Variants in CTC1 observed in about 807,000 individuals in gnomAD.
The protein encoded by CTC1 is CST complex subunit CTC1.
A neutral mutation model predicts 136.3 loss-of-function variants in CTC1; 91 were observed. The observed-to-expected ratio is 0.67, with a 90% CI of 0.56 to 0.79. The LOEUF (loss-of-function observed/expected upper bound fraction) is 0.79. CTC1 is among the 30% of genes least tolerant of loss of function. The pLI is 0.00. For synonymous variants in CTC1, 606 were observed against 613.8 expected, an observed-to-expected ratio of 0.99 and a Z score of 0.19; for missense variants, 1,432 against 1,498.1, an observed-to-expected ratio of 0.96 and a Z score of 0.73.
chr17:8,232,080 G>A lies in CTC1; in HGVS notation c.2208C>T (p.Cys736=). 1 of 1,556,756 alleles carries A rather than the reference G, an allele frequency of 6.4e-7. No homozygotes were observed. Among genetic ancestry groups the A allele is most frequent in the Non-Finnish European group, 8.6e-7 (1 of 1,156,744 alleles). ...TACGCTTCATGAGGGCCTCCTTGTG[G>A]CAGAGCAAGAAGAGCCGGCTCTGTC... ...HLGQSRLFLL[C]HKEALMKRNF... Residue 736 remains cysteine (C), a synonymous_variant, in exon 13 of 23, where the codon TGC becomes TGT. Transcript: ENST00000651323.
chr17:8,237,573 G>A lies in CTC1; in HGVS notation c.648-54C>T, dbSNP rs141771366. ...CCAGCTACTCAGGAGGCTGAGGGAG[G>A]AGAATCACTTGAACCTGAAAGGCAG... On this transcript the variant is annotated intron_variant, in intron 4 of 22. Transcript: ENST00000651323. 2,789 of 1,490,824 alleles carry A rather than the reference G, an allele frequency of 1.9e-3. 4 individuals are homozygous for A. The highest frequency in any genetic ancestry group is 2.3e-3 in the Non-Finnish European group (2,566 of 1,095,106). 92.3% of individuals were successfully genotyped at this position (1,490,824 alleles called of 1,614,324 possible).
chr17:8,238,141 C>T lies in CTC1; in HGVS notation c.537G>A (p.Leu179=). 6.2e-7 allele frequency: 1 copy of T among 1,614,164 alleles called. No individual in the cohort carries two copies. The highest frequency in any genetic ancestry group is 8.5e-7 in the Non-Finnish European group (1 of 1,179,994). ...ARWNSSGEGH[L]ELWDAPVPVF... ...CTGGCACAGGGGCATCCCACAGCTC[C>T]AAGTGCCCTTCCCCTGAGGAATTCC... Residue 179 remains leucine, a synonymous_variant, in exon 4 of 23, where the codon TTG becomes TTA. Transcript: ENST00000651323.
At position 8,229,995 on chromosome 17, in the gene CTC1, G is replaced by A. The variant is rs765397501; in HGVS notation, c.2934-27C>T. ...TGCAAGTGGAAGAGGAATAGTGAGTGACCAGGAAGACAAGGCAAATTGGGG... is the reference window on the plus strand; with the variant it reads ...TGCAAGTGGAAGAGGAATAGTGAGTAACCAGGAAGACAAGGCAAATTGGGG... On this transcript the variant is annotated intron_variant, in intron 17 of 22. Transcript: ENST00000651323. 6 of 1,607,958 alleles carry A rather than the reference G, an allele frequency of 3.7e-6. No individual in the cohort carries two copies. In the South Asian group the frequency reaches 6.6e-5, roughly 18 times the overall value.
chr17:8,229,472 CA>C (rs764321820), intron 18 of CTC1, 26 bp from the exon 19 acceptor site: 5 of 1,605,640 alleles, frequency 3.1e-6, no homozygotes, highest in Non-Finnish European at 4.3e-6. Flanking sequence ...GAGACAGAGA[CA>C]GGGGTCAAGA....
rs374942931 is a variant in CTC1 at position 8,228,267 on chromosome 17, G to C, written c.3567C>G (p.His1189Gln). 1.9e-6 allele frequency: 3 copies of C among 1,614,042 alleles called. No individual in the cohort carries two copies. The highest frequency in any genetic ancestry group is 2.5e-6 in the Non-Finnish European group (3 of 1,180,016). The change falls in exon 23 of 23, where the codon CAC (histidine) becomes CAG (glutamine). Residue 1189 changes from histidine to glutamine, a missense_variant. Coordinates refer to ENST00000651323, the MANE Select transcript of CTC1 (RefSeq NM_025099.6). Reference protein sequence around the residue: ...FQCGELPFLTHVNPRLRLSCL... With the variant: ...FQCGELPFLTQVNPRLRLSCL... ...AGGACAATCGGAGCCTGGGGTTCAC[G>C]TGAGTCAGGAAAGGGAGCTCTCCAC...
chr17:8,246,686 A>G (rs976444384), intron 1 of CTC1, among the ~76,000 whole-genome samples: 4 of 152,090 alleles, frequency 2.6e-5, no homozygotes. Flanking sequence ...GGAGATCGAG[A>G]CCATCCTGGC....
At chr17:8,246,907 AACACAC>A (rs145222612) in intron 1 of CTC1, among the ~76,000 whole-genome samples, 11 of 150,008 alleles carry the variant, frequency 7.3e-5, no homozygotes, top group South Asian at 6.4e-4. Flanking sequence ...TCCGTCTCAA[AACACAC>A]ACACACACAC....
At chr17:8,230,068 C>A in intron 17 of CTC1, 100 bp from the exon 18 acceptor site, 2 of 1,173,502 alleles carry the variant, frequency 1.7e-6, no homozygotes, top group East Asian at 2.4e-5. Flanking sequence ...GCCACTCCCC[C>A]TGAGGGACAT....
rs755004377 is a variant in CTC1, at chr17:8,232,429, G to T, written c.1992C>A (p.Asp664Glu). 4 of 1,613,948 alleles carry T rather than the reference G, an allele frequency of 2.5e-6. No homozygotes were observed. The highest frequency in any genetic ancestry group is 2.2e-5 in the South Asian group (2 of 91,072). Reference protein sequence around the residue: ...AERFQLIVERDVRSSFPSWKE... With the variant: ...AERFQLIVEREVRSSFPSWKE... ...TCCAGGAAGGGAAGCTGCTTCTCAC[G>T]TCCCTCTCTACGATCAACTGAAACC... is the stretch of plus-strand genomic sequence containing the variant. Residue 664 changes from aspartate to glutamate, a missense_variant, in exon 12 of 23, where the codon GAC becomes GAA. Transcript: ENST00000651323.
chr17:8,226,377 T>C lies in CTC1; in HGVS notation c.*1803A>G, dbSNP rs867831505. On this transcript the variant is annotated 3_prime_UTR_variant, in exon 23 of 23. Coordinates refer to ENST00000651323, the MANE Select transcript of CTC1 (RefSeq NM_025099.6). The stretch of plus-strand genomic sequence containing the variant: ...GAGCTAGGAACCCGGACCGAGCTTT[T>C]TCAGATCTTTCTAGAACTAATTTGG... 217 of 152,312 alleles carry C rather than the reference T, an allele frequency of 1.4e-3. 1 individual carries two copies. Among genetic ancestry groups the C allele is most frequent in the African/African-American group, 5.0e-3 (208 of 41,570 alleles). The allele number at this position is 152,312 out of a possible 1,614,324, so 9.4% of individuals were successfully genotyped here.
intron 2 of CTC1, among the ~76,000 whole-genome samples, chr17:8,241,059 T>C (rs1597393045): frequency 6.8e-6 from 1 of 147,484 alleles, no homozygotes; most frequent in African/African-American, 2.5e-5. Context: ...GAGGCTGAGG[T>C]GGGCGGATCA....
Position 8,225,885 on chromosome 17 carries a change from A to C in CTC1, c.*2295T>G, listed in dbSNP as rs1986592793. On this transcript the variant is annotated 3_prime_UTR_variant, in exon 23 of 23. Transcript: ENST00000651323. Reference sequence around the variant, plus strand: ...CCCAAAGAACTATAATGAAGAGCCAAACAAAACAAAGTGGCTCAGGTTCTA... The same window carrying C: ...CCCAAAGAACTATAATGAAGAGCCACACAAAACAAAGTGGCTCAGGTTCTA... 6.6e-6 allele frequency: 1 copy of C among 152,008 alleles called. No homozygotes were observed. Among genetic ancestry groups the C allele is most frequent in the African/African-American group, 2.4e-5 (1 of 41,404 alleles). The allele number at this position is 152,008 out of a possible 1,614,324, so 9.4% of individuals were successfully genotyped here.
In CTC1 at chr17:8,246,206, C is replaced by CAA. The variant is rs57484918; in HGVS notation, c.33+1796_33+1797dup. 8.8e-3 allele frequency among the ~76,000 whole-genome samples: 760 copies of CAA among 86,504 alleles called. 11 individuals carry two copies. Among genetic ancestry groups the CAA allele is most frequent in the Middle Eastern group, 0.041 (6 of 146 alleles). 56.7% of individuals were successfully genotyped at this position (86,504 alleles called of 152,430 possible). A position where few individuals can be genotyped will look rare whatever the true frequency, so the allele number is the denominator to read the frequency against. On this transcript the variant is annotated intron_variant, in intron 1 of 22. Transcript: ENST00000651323. ...TGGGTGACAGAGTAAGACCTTGTTT[C>CAA]AAAAAAAAAAAAAAAAAAAAAAAGG... is the stretch of plus-strand genomic sequence containing the variant.
At chr17:8,245,916 T>G (rs1342412826) in intron 1 of CTC1, among the ~76,000 whole-genome samples, 1 of 132,156 alleles carries the variant, frequency 7.6e-6, no homozygotes, top group East Asian at 2.8e-4. Context: ...CAAAATTAGC[T>G]GGATTAGCCT....
Position 8,236,232 on chromosome 17 carries a change from G to A in CTC1, c.903C>T (p.Thr301=), listed in dbSNP as rs1597385951. The A allele has an allele frequency of 1.2e-6, 2 of 1,614,184 alleles. No homozygotes were observed. Among genetic ancestry groups the A allele is most frequent in the Non-Finnish European group, 8.5e-7 (1 of 1,180,024 alleles). The change falls in exon 6 of 23, where the codon ACC becomes ACT. Residue 301 remains threonine (T), a synonymous_variant. Coordinates refer to ENST00000651323, the MANE Select transcript of CTC1 (RefSeq NM_025099.6). The stretch of plus-strand genomic sequence containing the variant: ...GCAGCAACAGACGGGAGGACTGACT[G>A]GTCATCCAAACATGCTGGCGCTGAC... ...IRGQRQHVWM[T]SQSSRLLLLK...
chr17:8,226,668 C>T lies in CTC1; in HGVS notation c.*1512G>A, dbSNP rs1446477162. On this transcript the variant is annotated 3_prime_UTR_variant, in exon 23 of 23. Coordinates refer to ENST00000651323, the MANE Select transcript of CTC1 (RefSeq NM_025099.6). The stretch of plus-strand genomic sequence containing the variant: ...ACCCCAATGGATTTCTAGTCCATCG[C>T]CTTAACCACTCGGCCACGACTACGA... 2 of 152,216 alleles carry T rather than the reference C, an allele frequency of 1.3e-5. No individual in the cohort carries two copies. The highest frequency in any genetic ancestry group is 2.9e-5 in the Non-Finnish European group (2 of 68,046). 9.4% of individuals were successfully genotyped at this position (152,216 alleles called of 1,614,324 possible).
chr17:8,246,629 G>T (rs988370824), intron 1 of CTC1, among the ~76,000 whole-genome samples: 7 of 152,158 alleles, frequency 4.6e-5, no homozygotes, highest in Non-Finnish European at 7.3e-5. Context: ...GCTCACGCCT[G>T]TAATCCCAGC....
chr17:8,239,295 C>A (rs1299336253), intron 2 of CTC1, among the ~76,000 whole-genome samples: 3 of 152,024 alleles, frequency 2.0e-5, no homozygotes, highest in Non-Finnish European at 4.4e-5. Flanking sequence ...CATCTCAGCT[C>A]TTAACTCCAG....
intron 1 of CTC1, among the ~76,000 whole-genome samples, chr17:8,245,695 T>TG (rs1268864476): frequency 6.6e-6 from 1 of 152,074 alleles, no homozygotes; most frequent in African/African-American, 2.4e-5. Context: ...CCCAGCACTC[T>TG]GGGGGGCCAA....
Sources: allele counts gnomAD v4.1 joint callset (sites outside exome capture counted in the v4.1 genomes callset), GRCh38; gene constraint gnomAD v4.1.1; transcripts MANE v1.5; gene names NCBI Gene and HGNC (gene_info 2026-07-23, HGNC 2026-07-21).